MAMLD1: variants seen among roughly 807,000 people sequenced by gnomAD.
MAMLD1 encodes the protein mastermind-like domain-containing protein 1.
Under a neutral mutation model 45.0 loss-of-function variants are expected in MAMLD1, and 14 were observed. That is an observed-to-expected ratio of 0.31 (90% CI 0.21 to 0.49). The LOEUF (loss-of-function observed/expected upper bound fraction) is 0.49, where lower values mean the gene tolerates loss of function less well. Ranked by LOEUF, MAMLD1 falls within the 20% of genes least tolerant of loss-of-function variation. The pLI is 0.99. For missense variants in MAMLD1, 543 were observed against 603.6 expected (o/e 0.90, Z 1.05); for synonymous variants, 254 against 247.8 (o/e 1.02, Z -0.24).
intron 5 of MAMLD1, among the ~76,000 whole-genome samples, chrX:150,474,983 C>A (rs782147184): frequency 8.9e-6 from 1 of 111,762 alleles, no homozygotes; most frequent in South Asian, 3.7e-4. Flanking sequence ...GAGCTGGGAC[C>A]GCTGTAGAAG....
chrX:150,472,797 G>A (rs781908117), intron 4 of MAMLD1, among the ~76,000 whole-genome samples: 1 of 111,797 alleles, frequency 8.9e-6, no homozygotes, highest in African/African-American at 3.3e-5. Context: ...ATTGCATGAG[G>A]GTGTAAATAC....
chrX:150,385,632 G>A (rs781833651), intron 1 of MAMLD1, among the ~76,000 whole-genome samples: 8 of 111,283 alleles, frequency 7.2e-5, no homozygotes, highest in Admixed American at 2.9e-4. Flanking sequence ...TGAGTAGACT[G>A]AGGAGAAGGA....
At chrX:150,465,793 G>A (rs1174298300) in intron 3 of MAMLD1, among the ~76,000 whole-genome samples, 1 of 112,740 alleles carries the variant, frequency 8.9e-6, no homozygotes, top group Non-Finnish European at 1.9e-5. Flanking sequence ...CTGTGGGACA[G>A]CTAGGACTAA....
intron 5 of MAMLD1, among the ~76,000 whole-genome samples, chrX:150,482,392 G>C (rs782712021): frequency 4.7e-4 from 53 of 112,234 alleles, no homozygotes; most frequent in Non-Finnish European, 8.6e-4. Flanking sequence ...GTTTAATGGG[G>C]ACAGAGTTTC....
intron 5 of MAMLD1, among the ~76,000 whole-genome samples, chrX:150,494,352 C>A (rs2037297028): frequency 9.0e-6 from 1 of 110,969 alleles, no homozygotes; most frequent in Admixed American, 9.5e-5. Flanking sequence ...CGAGATCATA[C>A]CACTGCACTC....
In MAMLD1 at chrX:150,471,450, G is replaced by C; in HGVS notation, c.1877G>C (p.Arg626Pro). The change falls in exon 4 of 8, where the codon CGA (arginine) becomes CCA (proline). Residue 626 changes from arginine to proline, a missense_variant. Arg to Pro is a moderately radical substitution (Grantham distance 103). Coordinates refer to ENST00000370401, the MANE Select transcript of MAMLD1 (RefSeq NM_005491.5). The part of the protein sequence containing the change: ...QMMQQPQRFQ[R>P]SVASDSMPAL... ...ATGCAGCAACCCCAGCGTTTTCAGCGATCAGTGGCCTCAGATTCCATGCCT... is the reference window on the plus strand; with the variant it reads ...ATGCAGCAACCCCAGCGTTTTCAGCCATCAGTGGCCTCAGATTCCATGCCT... 3.3e-6 allele frequency: 4 copies of C among 1,211,175 alleles called. No individual in the cohort carries two copies. The highest frequency in any genetic ancestry group is 2.2e-6 in the Non-Finnish European group (2 of 894,777).
intron 6 of MAMLD1, among the ~76,000 whole-genome samples, chrX:150,507,113 C>T (rs375361138): frequency 4.5e-5 from 5 of 111,888 alleles, no homozygotes; most frequent in African/African-American, 1.3e-4. Flanking sequence ...CACAACAGGA[C>T]GTAGTGCCAC....
chrX:150,455,234 TA>T (rs1359861448), intron 2 of MAMLD1, among the ~76,000 whole-genome samples: 1 of 112,453 alleles, frequency 8.9e-6, no homozygotes, highest in Non-Finnish European at 1.9e-5. Context: ...TGCGCACTTT[TA>T]AAAAAGTTAA....
chrX:150,391,996 G>A (rs782496096), intron 1 of MAMLD1, among the ~76,000 whole-genome samples: 2 of 111,589 alleles, frequency 1.8e-5, no homozygotes, highest in Non-Finnish European at 3.8e-5. Context: ...GCTTACCCTG[G>A]GCCCTGCTGG....
chrX:150,490,951 A>C (rs2148337802), intron 5 of MAMLD1, among the ~76,000 whole-genome samples: 1 of 112,038 alleles, frequency 8.9e-6, no homozygotes, highest in South Asian at 3.8e-4. Flanking sequence ...TCATCTCAAT[A>C]GATGTAAAAA....
chrX:150,487,423 A>G (rs2037027495), intron 5 of MAMLD1, among the ~76,000 whole-genome samples: 1 of 112,490 alleles, frequency 8.9e-6, no homozygotes, highest in Non-Finnish European at 1.9e-5. Context: ...AGAAACAGAA[A>G]GATAAAGGCT....
chrX:150,492,626 C>A (rs1371421030), intron 5 of MAMLD1, among the ~76,000 whole-genome samples: 5 of 111,783 alleles, frequency 4.5e-5, no homozygotes, highest in Non-Finnish European at 7.5e-5. Flanking sequence ...AAGGCCCTTT[C>A]CTGCCATGAG....
At position 150,475,696 on chromosome X, in the gene MAMLD1, G is replaced by A. The variant is rs782338909; in HGVS notation, c.2040+1894G>A. ...AGATGCTGACTGATTCAGGTCCCAT[G>A]AGCAATGTTACTCAACTCCTGAGCC... On this transcript the variant is annotated intron_variant, in intron 5 of 7. Coordinates refer to ENST00000370401, the MANE Select transcript of MAMLD1 (RefSeq NM_005491.5). 8.9e-5 allele frequency among the ~76,000 whole-genome samples: 10 copies of A among 112,101 alleles called. No homozygotes were observed. The East Asian group carries it at 2.8e-3, about 32-fold the overall frequency.
chrX:150,403,980 G>GAA (rs1557402587), intron 1 of MAMLD1, among the ~76,000 whole-genome samples: 8 of 90,634 alleles, frequency 8.8e-5, no homozygotes, highest in Non-Finnish European at 1.8e-4. Flanking sequence ...AAGAAAGAAA[G>GAA]AAAGAAAGAA....
intron 5 of MAMLD1, among the ~76,000 whole-genome samples, chrX:150,493,128 A>G (rs59282512): frequency 0.052 from 5,802 of 111,544 alleles, 383 homozygotes; most frequent in African/African-American, 0.18. Context: ...CTGGGGTGGG[A>G]AGGCAGGCTT....
intron 2 of MAMLD1, among the ~76,000 whole-genome samples, chrX:150,462,423 G>A (rs148856931): frequency 0.02 from 2,268 of 111,701 alleles, 68 homozygotes; most frequent in African/African-American, 0.069. Flanking sequence ...CCTGGAGGTG[G>A]TTGGAGAGCT....
intron 5 of MAMLD1, among the ~76,000 whole-genome samples, chrX:150,489,561 G>A (rs782610635): frequency 1.0e-4 from 11 of 106,121 alleles, no homozygotes; most frequent in Non-Finnish European, 1.7e-4. Flanking sequence ...AAGTAATTGC[G>A]GTTTTTACCA....
chrX:150,455,275 A>G lies in MAMLD1; in HGVS notation c.97-7497A>G, dbSNP rs1172471828. ...GGATGAGGGATCTTTCATTTCATAAAAGGATATACTGAGGATTTCCTTTCA... is the reference window on the plus strand; with the variant it reads ...GGATGAGGGATCTTTCATTTCATAAGAGGATATACTGAGGATTTCCTTTCA... On this transcript the variant is annotated intron_variant, in intron 2 of 7. Transcript: ENST00000370401. Among the ~76,000 whole-genome samples the G allele has an allele frequency of 3.6e-5, 4 of 112,060 alleles. No homozygotes were observed. The Admixed American group carries it at 3.8e-4, about 11-fold the overall frequency.
chrX:150,498,957 T>G (rs1483232574), intron 5 of MAMLD1, among the ~76,000 whole-genome samples: 2 of 112,483 alleles, frequency 1.8e-5, no homozygotes, highest in Admixed American at 9.4e-5. Flanking sequence ...CTATCACCTC[T>G]CTTTGATATG....
Sources: allele counts gnomAD v4.1 joint callset (sites outside exome capture counted in the v4.1 genomes callset), GRCh38; gene constraint gnomAD v4.1.1; transcripts MANE v1.5; gene names NCBI Gene and HGNC (gene_info 2026-07-23, HGNC 2026-07-21).